Variants in TIAL1 observed in about 807,000 individuals in gnomAD.
TIAL1 encodes the protein nucleolysin TIAR.
In TIAL1, 7 loss-of-function variants were observed where a neutral mutation model predicts 59.7. The observed-to-expected ratio is 0.12, with a 90% CI of 0.07 to 0.22. The LOEUF (loss-of-function observed/expected upper bound fraction) is 0.22. Ranked by LOEUF, TIAL1 falls within the 10% of genes least tolerant of loss-of-function variation. The pLI is 1.00. For missense variants in TIAL1, 225 were observed against 462.5 expected (o/e 0.49, Z 4.71); for synonymous variants, 149 against 146.3 (o/e 1.02, Z -0.13).
At chr10:119,592,787 A>T (rs1235566909) in intron 1 of TIAL1, among the ~76,000 whole-genome samples, 1 of 145,836 alleles carries the variant, frequency 6.9e-6, no homozygotes, top group African/African-American at 2.5e-5. Flanking sequence ...ACACACACAC[A>T]CTCACTCTCT....
At position 119,584,994 on chromosome 10, in the gene TIAL1, G is replaced by A. The variant is rs564846917; in HGVS notation, c.130-2437C>T. Among the ~76,000 whole-genome samples, 116 of 151,522 alleles carry A rather than the reference G, an allele frequency of 7.7e-4. 2 individuals are homozygous for A. The South Asian group carries it at 0.021, about 27-fold the overall frequency. On this transcript the variant is annotated intron_variant, in intron 2 of 11. Coordinates refer to ENST00000436547, the MANE Select transcript of TIAL1 (RefSeq NM_003252.4). ...AAATATTAGCTGGGCATGATGGCAC[G>A]CACCTGTAGTCCCAGCTACTTGGGA...
intron 1 of TIAL1, among the ~76,000 whole-genome samples, chr10:119,594,696 C>T: frequency 6.6e-6 from 1 of 152,148 alleles, no homozygotes; most frequent in East Asian, 1.9e-4. Flanking sequence ...GCAATCTCGG[C>T]TCACTGCAAC....
intron 1 of TIAL1, among the ~76,000 whole-genome samples, chr10:119,596,051 C>T (rs1192551769): frequency 6.9e-6 from 1 of 145,546 alleles, no homozygotes; most frequent in Non-Finnish European, 1.5e-5. Context: ...CCCAATCCTA[C>T]CCCCGCCAGG....
chr10:119,583,295 G>C (rs1200064309), intron 2 of TIAL1, among the ~76,000 whole-genome samples: 1 of 152,042 alleles, frequency 6.6e-6, no homozygotes, highest in South Asian at 2.1e-4. Context: ...AATATTCCAA[G>C]ACAAAGCTAT....
intron 5 of TIAL1, chr10:119,580,939 C>T: frequency 1.9e-6 from 1 of 539,964 alleles, no homozygotes; most frequent in Non-Finnish European, 2.6e-6. Context: ...TGAAAAACAG[C>T]AACCTGTATT....
In TIAL1 at chr10:119,577,730, G is replaced by C; in HGVS notation, c.563C>G (p.Thr188Ser). The change falls in exon 8 of 12, where the codon ACT (threonine) becomes AGT (serine). Residue 188 changes from threonine (T) to serine (S), a missense_variant. Transcript: ENST00000436547. Reference protein sequence around the residue: ...PAPKSTQENNTKQLRFEDVVN... With the variant: ...PAPKSTQENNSKQLRFEDVVN... Reference sequence around the variant, plus strand: ...TACATCTTCAAATCTCAACTGCTTAGTGTTGTCTGTATGCAGAAACAAAAC... The same window carrying C: ...TACATCTTCAAATCTCAACTGCTTACTGTTGTCTGTATGCAGAAACAAAAC... The C allele has an allele frequency of 6.2e-7, 1 of 1,613,398 alleles. No homozygotes were observed. Among genetic ancestry groups the C allele is most frequent in the Non-Finnish European group, 8.5e-7 (1 of 1,179,356 alleles).
At chr10:119,595,078 G>C (rs569480830) in intron 1 of TIAL1, among the ~76,000 whole-genome samples, 1 of 152,136 alleles carries the variant, frequency 6.6e-6, no homozygotes, top group Non-Finnish European at 1.5e-5. Context: ...AAACGGGACG[G>C]ATACTTCAGT....
rs1845006429 is a variant in TIAL1, at chr10:119,576,619, A to G, written c.993T>C (p.Phe331=). The change falls in exon 11 of 12, where the codon TTT becomes TTC. Residue 331 remains phenylalanine, a synonymous_variant. Transcript: ENST00000436547. ...VYGQPWNQQG[F]GVDQSPSAAW... is the part of the protein sequence containing the mutation. ...AAACCCAAACAACTTACTCTACTCC[A>G]AATCCTTGTTGATTCCATGGTTGCC... The G allele has an allele frequency of 6.2e-7, 1 of 1,613,820 alleles. No individual in the cohort carries two copies. Among genetic ancestry groups the G allele is most frequent in the Non-Finnish European group, 8.5e-7 (1 of 1,179,974 alleles).
At chr10:119,583,229 T>A (rs1452246525) in intron 2 of TIAL1, among the ~76,000 whole-genome samples, 2 of 152,144 alleles carry the variant, frequency 1.3e-5, no homozygotes, top group African/African-American at 2.4e-5. Context: ...CTTCCAAAGA[T>A]CAGAGAAATA....
At chr10:119,583,896 T>A (rs1459383714) in intron 2 of TIAL1, among the ~76,000 whole-genome samples, 1 of 152,202 alleles carries the variant, frequency 6.6e-6, no homozygotes, top group East Asian at 1.9e-4. Context: ...ACATTTAAAT[T>A]CTTGTAAAAG....
chr10:119,578,191 C>A (rs567653572), intron 7 of TIAL1, among the ~76,000 whole-genome samples: 51 of 125,168 alleles, frequency 4.1e-4, no homozygotes, highest in African/African-American at 1.4e-3. Context: ...CACCACTGTA[C>A]TCCAGCCTGG....
At chr10:119,590,674 C>T (rs1174240281) in intron 1 of TIAL1, among the ~76,000 whole-genome samples, 1 of 151,644 alleles carries the variant, frequency 6.6e-6, no homozygotes, top group Non-Finnish European at 1.5e-5. Context: ...TGCACCATTG[C>T]ACTCCAACCT....
At chr10:119,594,325 G>T (rs1336637263) in intron 1 of TIAL1, among the ~76,000 whole-genome samples, 1 of 152,140 alleles carries the variant, frequency 6.6e-6, no homozygotes, top group Admixed American at 6.5e-5. Context: ...CTCTGATAGG[G>T]ATGAAGGCAA....
At chr10:119,586,218 AT>A (rs1219893549) in intron 2 of TIAL1, among the ~76,000 whole-genome samples, 1 of 152,186 alleles carries the variant, frequency 6.6e-6, no homozygotes, top group Non-Finnish European at 1.5e-5. Flanking sequence ...ACCACTCCCC[AT>A]GGTGACATCC....
At chr10:119,590,758 A>AAGAG (rs1370309807) in intron 1 of TIAL1, among the ~76,000 whole-genome samples, 12 of 103,722 alleles carry the variant, frequency 1.2e-4, no homozygotes, top group African/African-American at 3.7e-4. Context: ...GACAGAGAGA[A>AAGAG]AGAGAGAAAG....
intron 6 of TIAL1, among the ~76,000 whole-genome samples, chr10:119,579,695 T>C (rs1468240200): frequency 6.6e-6 from 1 of 152,204 alleles, no homozygotes; most frequent in Non-Finnish European, 1.5e-5. Context: ...CCTTTACCAA[T>C]GTACAAACAC....
intron 2 of TIAL1, among the ~76,000 whole-genome samples, chr10:119,585,110 A>C (rs1320917851): frequency 1.4e-4 from 16 of 113,894 alleles, no homozygotes; most frequent in East Asian, 8.0e-4. Context: ...GCAAAAGAGC[A>C]AGATTCCATC....
In TIAL1 at chr10:119,581,955, A is replaced by G; in HGVS notation, c.338T>C (p.Ile113Thr). Residue 113 changes from isoleucine (I) to threonine (T), a missense_variant, in exon 5 of 12, where the codon ATC becomes ACC. Coordinates refer to ENST00000436547, the MANE Select transcript of TIAL1 (RefSeq NM_003252.4). Reference sequence around the variant, plus strand: ...ACCAAAGGGGGCAAATGCTGATTTGATATCTTCTGTTGTAATTTCTGGACT... The same window carrying G: ...ACCAAAGGGGGCAAATGCTGATTTGGTATCTTCTGTTGTAATTTCTGGACT... ...DLSPEITTED[I>T]KSAFAPFGKI... 6.2e-7 allele frequency: 1 copy of G among 1,613,580 alleles called. No homozygotes were observed. The highest frequency in any genetic ancestry group is 8.5e-7 in the Non-Finnish European group (1 of 1,179,650).
chr10:119,591,535 G>A (rs1328594331), intron 1 of TIAL1, among the ~76,000 whole-genome samples: 4 of 152,030 alleles, frequency 2.6e-5, no homozygotes, highest in African/African-American at 4.8e-5. Context: ...AGATGAAAAC[G>A]TTAATATCTA....
Sources: gnomAD v4.1 joint callset for allele counts (sites outside exome capture counted in the v4.1 genomes callset) on GRCh38, gnomAD v4.1.1 for gene constraint, MANE v1.5 for transcripts, NCBI Gene and HGNC (gene_info 2026-07-23, HGNC 2026-07-21) for gene names.